Variants in CDH18 observed in about 807,000 individuals in gnomAD.
The protein encoded by CDH18 is cadherin 18.
CDH18 carries 31 observed loss-of-function variants against 67.9 expected under a neutral mutation model. That is an observed-to-expected ratio of 0.46 (90% CI 0.34 to 0.62). CDH18 has a LOEUF of 0.62. Among genes scored for constraint, CDH18 ranks in the 20% least tolerant of loss-of-function variants. CDH18 has a pLI of 0.01. For synonymous variants in CDH18, 362 were observed against 347.2 expected, an observed-to-expected ratio of 1.04 and a Z score of -0.48; for missense variants, 890 against 975.5, an observed-to-expected ratio of 0.91 and a Z score of 1.17.
chr5:20,158,227 T>C (rs1751707848), intron 2 of CDH18, among the ~76,000 whole-genome samples: 1 of 152,180 alleles, frequency 6.6e-6, no homozygotes, highest in East Asian at 1.9e-4. Context: ...TTCTTTATTA[T>C]TTATGTCAGG....
chr5:19,519,953 C>T lies in CDH18; in HGVS notation c.1512+704G>A, dbSNP rs116436390. 2.7e-3 allele frequency among the ~76,000 whole-genome samples: 408 copies of T among 152,288 alleles called. 1 individual carries two copies. The highest frequency in any genetic ancestry group is 9.4e-3 in the African/African-American group (390 of 41,562). On this transcript the variant is annotated intron_variant, in intron 10 of 12. Coordinates refer to ENST00000382275, the MANE Select transcript of CDH18 (RefSeq NM_004934.5). ...GACTCTTGCAAAGACCCAGCTAAGC[C>T]ATGCACAAATTTCTGACCTATAGAA...
At chr5:19,880,251 A>C (rs975199185) in intron 2 of CDH18, among the ~76,000 whole-genome samples, 9 of 151,970 alleles carry the variant, frequency 5.9e-5, no homozygotes, top group Non-Finnish European at 5.9e-5. Context: ...TTACCAAAAG[A>C]AGTCCACAAG....
Position 19,687,428 on chromosome 5 carries a change from A to AC in CDH18, c.643+33918dup, listed in dbSNP as rs1384071333. ...TCACACAGAGGACTACAGTGGCATG[A>AC]CATCAGTTACACCCACTGGAATGGC... On this transcript the variant is annotated intron_variant, in intron 5 of 12. Coordinates refer to ENST00000382275, the MANE Select transcript of CDH18 (RefSeq NM_004934.5). 2.0e-5 allele frequency among the ~76,000 whole-genome samples: 3 copies of AC among 152,174 alleles called. No individual in the cohort carries two copies. The East Asian group carries it at 5.8e-4, about 29-fold the overall frequency.
intron 2 of CDH18, among the ~76,000 whole-genome samples, chr5:20,005,314 T>C (rs2150407079): frequency 6.6e-6 from 1 of 152,114 alleles, no homozygotes; most frequent in African/African-American, 2.4e-5. Flanking sequence ...TAACTTGCCA[T>C]ATTATCCAAT....
chr5:19,746,281 T>C (rs1288772697), intron 4 of CDH18, among the ~76,000 whole-genome samples: 1 of 152,200 alleles, frequency 6.6e-6, no homozygotes, highest in African/African-American at 2.4e-5. Context: ...AGTGTAGGCT[T>C]TGCATTCAGC....
At chr5:20,173,642 A>C in intron 2 of CDH18, among the ~76,000 whole-genome samples, 1 of 152,198 alleles carries the variant, frequency 6.6e-6, no homozygotes. Context: ...AGATTAGATT[A>C]GCAGGGACAA....
chr5:20,329,696 G>A (rs1424828438), intron 1 of CDH18, among the ~76,000 whole-genome samples: 18 of 148,258 alleles, frequency 1.2e-4, no homozygotes, highest in African/African-American at 3.5e-4. Context: ...CTTGAACCCC[G>A]GAGGCGGAGG....
intron 10 of CDH18, 122 bp from the exon 11 acceptor site, chr5:19,503,231 T>C: frequency 7.4e-6 from 4 of 541,236 alleles, no homozygotes; most frequent in East Asian, 2.8e-5. Flanking sequence ...ACTTGAGTTA[T>C]TTTTCAAATT....
At chr5:19,777,637 C>G (rs1306142462) in intron 3 of CDH18, among the ~76,000 whole-genome samples, 1 of 152,120 alleles carries the variant, frequency 6.6e-6, no homozygotes, top group Non-Finnish European at 1.5e-5. Context: ...GATGAAAGTT[C>G]CGTTCATCCT....
chr5:19,988,435 C>T (rs1172267463), upstream of CDH18, among the ~76,000 whole-genome samples: 1 of 151,868 alleles, frequency 6.6e-6, no homozygotes, highest in Non-Finnish European at 1.5e-5. Context: ...GCAAGCAAAA[C>T]GGACACCCTT....
intron 1 of CDH18, among the ~76,000 whole-genome samples, chr5:20,354,466 G>GT (rs1741445355): frequency 1.3e-5 from 2 of 152,168 alleles, no homozygotes; most frequent in African/African-American, 4.8e-5. Context: ...CCCGGCTGCA[G>GT]TACAGTGGAG....
At chr5:19,545,000 T>G (rs1265379708) in intron 8 of CDH18, among the ~76,000 whole-genome samples, 1 of 152,122 alleles carries the variant, frequency 6.6e-6, no homozygotes, top group Admixed American at 6.6e-5. Context: ...CCCTGAGTTT[T>G]GGAGTTATGT....
chr5:20,391,240 C>T (rs79694235), intron 1 of CDH18, among the ~76,000 whole-genome samples: 2,879 of 151,682 alleles, frequency 0.019, 71 homozygotes, highest in East Asian at 0.074. Flanking sequence ...CATATATAAC[C>T]TGCCTCACAT....
At chr5:20,180,614 C>A (rs1737609985) in intron 2 of CDH18, among the ~76,000 whole-genome samples, 2 of 152,148 alleles carry the variant, frequency 1.3e-5, no homozygotes, top group African/African-American at 4.8e-5. Flanking sequence ...CCCCATGTGA[C>A]CATCTTACCT....
intron 2 of CDH18, among the ~76,000 whole-genome samples, chr5:20,215,250 C>A (rs78462018): frequency 6.6e-6 from 1 of 151,572 alleles, no homozygotes; most frequent in Non-Finnish European, 1.5e-5. Context: ...GAGCAATACT[C>A]GAACAATTTG....
At chr5:19,969,455 CAAT>C (rs1368437518) in intron 2 of CDH18, among the ~76,000 whole-genome samples, 6 of 150,062 alleles carry the variant, frequency 4.0e-5, no homozygotes, top group Non-Finnish European at 8.8e-5. Context: ...AAATGTCCAA[CAAT>C]GATAGACTGG....
chr5:20,150,097 A>T (rs1038549126), intron 2 of CDH18, among the ~76,000 whole-genome samples: 1 of 152,078 alleles, frequency 6.6e-6, no homozygotes, highest in African/African-American at 2.4e-5. Context: ...AAGTTCTGAT[A>T]ATAGGTATTT....
intron 2 of CDH18, among the ~76,000 whole-genome samples, chr5:19,924,346 T>C (rs953557294): frequency 1.3e-5 from 2 of 152,098 alleles, no homozygotes; most frequent in Non-Finnish European, 2.9e-5. Flanking sequence ...TTTTTAAAAA[T>C]AGGACTTTGG....
chr5:20,375,902 A>G (rs1225420745), intron 1 of CDH18, among the ~76,000 whole-genome samples: 2 of 151,868 alleles, frequency 1.3e-5, no homozygotes, highest in South Asian at 2.1e-4. Flanking sequence ...ATATCTATCA[A>G]CATCTATAAC....
Sources: gnomAD v4.1 joint callset for allele counts (sites outside exome capture counted in the v4.1 genomes callset) on GRCh38, gnomAD v4.1.1 for gene constraint, MANE v1.5 for transcripts, NCBI Gene and HGNC (gene_info 2026-07-23, HGNC 2026-07-21) for gene names.